Variants in KIFC3 observed in about 807,000 individuals in gnomAD.
The protein encoded by KIFC3 is kinesin family member C3, also known as kinesin-like protein KIFC3.
A neutral mutation model predicts 101.8 loss-of-function variants in KIFC3; 60 were observed. That is an observed-to-expected ratio of 0.59 (90% confidence interval 0.48 to 0.73). The LOEUF (loss-of-function observed/expected upper bound fraction) is 0.73, where lower values mean the gene tolerates loss of function less well. Among genes scored for constraint, KIFC3 ranks in the 30% least tolerant of loss-of-function variants. KIFC3 has a pLI of 0.00. For synonymous variants in KIFC3, 476 were observed against 482.7 expected (o/e 0.99, Z 0.18); for missense variants, 966 against 1,137.1 (o/e 0.85, Z 2.16).
intron 3 of KIFC3, among the ~76,000 whole-genome samples, chr16:57,791,597 G>T (rs1339744786): frequency 6.6e-6 from 1 of 152,162 alleles, no homozygotes; most frequent in Non-Finnish European, 1.5e-5. Context: ...GAGCTTTGTG[G>T]GGGCCCGCCA....
intron 16 of KIFC3, 107 bp downstream of exon 16, chr16:57,760,619 G>C (rs1486494571): frequency 4.4e-5 from 50 of 1,133,460 alleles, no homozygotes; most frequent in Non-Finnish European, 5.5e-5. Context: ...GTGTGGCCAG[G>C]TCTAGGGGCG....
Position 57,798,164 on chromosome 16 carries a change from TC to T in KIFC3, c.79del (p.Glu27SerfsTer29). 6.5e-7 allele frequency: 1 copy of T among 1,541,092 alleles called. No homozygotes were observed. The highest frequency in any genetic ancestry group is 8.7e-7 in the Non-Finnish European group (1 of 1,143,582). ...GGGGCGAGCCATCCCCGGCTCGGGC[TC>T]CGGGGCCCGGCCCACTCTCCACAGG... ...RGLWRVGRAP[E>X]PEPGMARPAP... On this transcript the variant is annotated frameshift_variant, in exon 2 of 20. Coordinates refer to ENST00000445690, the MANE Select transcript of KIFC3 (RefSeq NM_001130100.2). LOFTEE classifies it high-confidence loss of function.
chr16:57,797,384 C>T (rs1430007115), intron 2 of KIFC3, among the ~76,000 whole-genome samples: 2 of 152,210 alleles, frequency 1.3e-5, no homozygotes, highest in African/African-American at 2.4e-5. Flanking sequence ...GACAGCTCCG[C>T]GGCCCCGCCA....
intron 1 of KIFC3, among the ~76,000 whole-genome samples, chr16:57,819,171 A>G (rs2055298138): frequency 6.6e-6 from 1 of 152,204 alleles, no homozygotes; most frequent in South Asian, 2.1e-4. Context: ...CAAGGGTCCC[A>G]CAAAATCCGT....
intron 3 of KIFC3, among the ~76,000 whole-genome samples, chr16:57,779,001 C>T (rs1598027962): frequency 1.3e-5 from 2 of 152,218 alleles, no homozygotes; most frequent in East Asian, 3.9e-4. Flanking sequence ...AATGGTGCGG[C>T]CACTATGGAA....
intron 1 of KIFC3, among the ~76,000 whole-genome samples, chr16:57,841,104 A>G (rs1407949781): frequency 6.6e-6 from 1 of 152,260 alleles, no homozygotes; most frequent in Non-Finnish European, 1.5e-5. Context: ...TTATCAGCAG[A>G]GACGGAACAA....
intron 1 of KIFC3, among the ~76,000 whole-genome samples, chr16:57,855,278 C>T (rs1159109609): frequency 6.6e-6 from 1 of 151,976 alleles, no homozygotes; most frequent in African/African-American, 2.4e-5. Flanking sequence ...GCGTGCCCCA[C>T]CACGCCCAGC....
chr16:57,856,772 A>G (rs1288357982), intron 1 of KIFC3, among the ~76,000 whole-genome samples: 1 of 152,192 alleles, frequency 6.6e-6, no homozygotes, highest in Non-Finnish European at 1.5e-5. Flanking sequence ...CTCTGTGCAC[A>G]TAAGTTTGAC....
intron 2 of KIFC3, 143 bp downstream of exon 2, chr16:57,797,929 C>A: frequency 6.6e-7 from 1 of 1,516,390 alleles, no homozygotes; most frequent in Non-Finnish European, 8.8e-7. Flanking sequence ...GCTCCACGCC[C>A]GCCTGGCTCT....
At chr16:57,821,531 G>C (rs2055349989) in intron 1 of KIFC3, among the ~76,000 whole-genome samples, 3 of 152,120 alleles carry the variant, frequency 2.0e-5, no homozygotes, top group African/African-American at 7.2e-5. Context: ...ACTCAAAGGT[G>C]AACTTTCATC....
chr16:57,812,137 G>T (rs2055098270), intron 1 of KIFC3, among the ~76,000 whole-genome samples: 1 of 150,944 alleles, frequency 6.6e-6, no homozygotes, highest in Non-Finnish European at 1.5e-5. Context: ...CATCCCCTAG[G>T]GTTCACGCCA....
Position 57,769,108 on chromosome 16 carries a change from A to C in KIFC3, c.1218+487T>G, listed in dbSNP as rs1443657185. Among the ~76,000 whole-genome samples the C allele has an allele frequency of 1.3e-5, 2 of 152,218 alleles. No individual in the cohort carries two copies. Among genetic ancestry groups the C allele is most frequent in the Non-Finnish European group, 1.5e-5 (1 of 68,040 alleles). On this transcript the variant is annotated intron_variant, in intron 9 of 19. Transcript: ENST00000445690. The surrounding 1 kb of genome is among the most constrained non-coding windows in gnomAD (Gnocchi z 4.3). ...AAGTGCAGTGGCATGATCTTGGTTC[A>C]CCGCAACCTCCGCCTTCTGGGTTCA...
chr16:57,853,803 T>C (rs1487907836), intron 1 of KIFC3, among the ~76,000 whole-genome samples: 1 of 152,122 alleles, frequency 6.6e-6, no homozygotes, highest in African/African-American at 2.4e-5. Context: ...GGATAATTTT[T>C]TGTATTTTTA....
At position 57,759,125 on chromosome 16, in the gene KIFC3, C is replaced by G. The variant is rs1456244787; in HGVS notation, c.*24G>C. On this transcript the variant is annotated splice_region_variant and 3_prime_UTR_variant, in exon 19 of 20. Transcript: ENST00000445690. The stretch of plus-strand genomic sequence containing the variant: ...CCTGGGCCACAGGCCCCACACTCAC[C>G]TAGAGACTCTGCAGCCCCAGCCGTC... 2 of 1,550,662 alleles carry G rather than the reference C, an allele frequency of 1.3e-6. No homozygotes were observed. Among genetic ancestry groups the G allele is most frequent in the East Asian group, 4.9e-5 (2 of 40,934 alleles).
intron 1 of KIFC3, among the ~76,000 whole-genome samples, chr16:57,820,531 C>T (rs1407031234): frequency 6.6e-6 from 1 of 152,216 alleles, no homozygotes; most frequent in Non-Finnish European, 1.5e-5. Flanking sequence ...CCTCCCACCT[C>T]AGCCTCCCAA....
chr16:57,821,980 G>A (rs1359373542), intron 1 of KIFC3, among the ~76,000 whole-genome samples: 2 of 152,190 alleles, frequency 1.3e-5, no homozygotes, highest in Non-Finnish European at 2.9e-5. Context: ...GGAGGCTGAG[G>A]TGAAAGGATC....
At chr16:57,771,797 G>A (rs1250413044) in intron 4 of KIFC3, 111 bp from the exon 5 acceptor site, 77 of 1,302,270 alleles carry the variant, frequency 5.9e-5, no homozygotes, top group Non-Finnish European at 6.9e-5. Context: ...GAGGTGTGGA[G>A]AAAGGCAGAG....
rs141109331 is a variant in KIFC3, at chr16:57,837,554, GAAGA to G, written c.108+25171_108+25174del. ...AAGAAAGAAAGAGAAAGGAAGGAAG[GAAGA>G]AAGAAAGAAAGAAAGAAAGAAAGAG... On this transcript the variant is annotated intron_variant, in intron 1 of 2. Coordinates refer to the KIFC3 transcript ENST00000563028. Among the ~76,000 whole-genome samples, 410 of 100,014 alleles carry G rather than the reference GAAGA, an allele frequency of 4.1e-3. 4 individuals carry two copies. The highest frequency in any genetic ancestry group is 0.013 in the African/African-American group (386 of 29,574). 65.6% of individuals were successfully genotyped at this position (100,014 alleles called of 152,430 possible). A position where few individuals can be genotyped will look rare whatever the true frequency, so the allele number is the denominator to read the frequency against.
At chr16:57,766,653 G>T (rs782675637) in intron 10 of KIFC3, among the ~76,000 whole-genome samples, 2 of 152,218 alleles carry the variant, frequency 1.3e-5, no homozygotes, top group Non-Finnish European at 2.9e-5. Context: ...ACTGGGGCCA[G>T]GGCTTCTGAG....
Sources: allele counts gnomAD v4.1 joint callset (sites outside exome capture counted in the v4.1 genomes callset), GRCh38; gene constraint gnomAD v4.1.1; non-coding constraint Gnocchi (gnomAD v3.1); transcripts MANE v1.5; gene names NCBI Gene and HGNC (gene_info 2026-07-23, HGNC 2026-07-21).